The following HECW1 variants were observed in gnomAD, a reference collection of about 807,000 sequenced individuals.
The protein encoded by HECW1 is HECT, C2 and WW domain containing E3 ubiquitin protein ligase 1.
HECW1 carries 61 observed loss-of-function variants against 182.3 expected under a neutral mutation model. The ratio of observed to expected loss-of-function variants is 0.33; its 90% CI spans 0.27 to 0.41. HECW1 has a LOEUF of 0.41. Ranked by LOEUF, HECW1 falls within the 10% of genes least tolerant of loss-of-function variation. The probability of loss-of-function intolerance (pLI) is 1.00; values close to 1 mark genes in which losing one functional copy is unlikely to be tolerated. For missense variants in HECW1, 1,739 were observed against 2,108.9 expected, an observed-to-expected ratio of 0.82 and a Z score of 3.44; for synonymous variants, 859 against 832.6, an observed-to-expected ratio of 1.03 and a Z score of -0.55.
chr7:43,479,525 C>A, intron 16 of HECW1, 85 bp from the exon 17 acceptor site: 2 of 1,498,064 alleles, frequency 1.3e-6, no homozygotes, highest in South Asian at 1.2e-5. Flanking sequence ...GAGGCCTGGG[C>A]CCTGTAGCAC....
At chr7:43,392,186 A>G (rs1387508948) in intron 6 of HECW1, among the ~76,000 whole-genome samples, 1 of 152,236 alleles carries the variant, frequency 6.6e-6, no homozygotes, top group Non-Finnish European at 1.5e-5. Flanking sequence ...GACATAATGA[A>G]TTTTAATCTC....
chr7:43,337,798 A>G (rs1812491899), intron 5 of HECW1, among the ~76,000 whole-genome samples: 1 of 152,178 alleles, frequency 6.6e-6, no homozygotes, highest in Non-Finnish European at 1.5e-5. Flanking sequence ...ATCCCACACC[A>G]ATGGAGCACA....
Position 43,546,276 on chromosome 7 carries a change from A to G in HECW1, c.4249-4169A>G, listed in dbSNP as rs1201698626. On this transcript the variant is annotated intron_variant, in intron 26 of 29. Transcript: ENST00000395891. Reference sequence around the variant, plus strand: ...CACAGTCTCTTTCATGATTTCCTTGATTGGCTCTGTCATAAATCCTGGGAG... The same window carrying G: ...CACAGTCTCTTTCATGATTTCCTTGGTTGGCTCTGTCATAAATCCTGGGAG... Among the ~76,000 whole-genome samples the G allele has an allele frequency of 4.1e-5, 4 of 98,340 alleles. No homozygotes were observed. The East Asian group carries it at 1.3e-3, about 33-fold the overall frequency. The allele number at this position is 98,340 out of a possible 152,430, so 64.5% of individuals were successfully genotyped here.
At chr7:43,389,808 A>AT (rs2074950216) in intron 6 of HECW1, among the ~76,000 whole-genome samples, 1 of 151,796 alleles carries the variant, frequency 6.6e-6, no homozygotes, top group Non-Finnish European at 1.5e-5. Context: ...GCCTGACTAA[A>AT]TTTTTGTAGA....
intron 3 of HECW1, among the ~76,000 whole-genome samples, chr7:43,305,154 C>A (rs982288555): frequency 1.3e-5 from 2 of 152,164 alleles, no homozygotes; most frequent in Non-Finnish European, 2.9e-5. Context: ...TCTCTTCCTG[C>A]GATGACCTTG....
chr7:43,523,079 C>T (rs1469515694), intron 24 of HECW1: 1 of 430,550 alleles, frequency 2.3e-6, no homozygotes. Context: ...TCTTGGCTCA[C>T]TGCAACCTCC....
At position 43,308,354 on chromosome 7, in the gene HECW1, A is replaced by C. The variant is rs551155810; in HGVS notation, c.28-3409A>C. Among the ~76,000 whole-genome samples the C allele has an allele frequency of 3.3e-4, 45 of 136,644 alleles. 1 individual carries two copies. In the South Asian group the frequency reaches 9.0e-3, roughly 27 times the overall value. The allele number at this position is 136,644 out of a possible 152,430, so 89.6% of individuals were successfully genotyped here. On this transcript the variant is annotated intron_variant, in intron 3 of 29. Transcript: ENST00000395891. ...TTTATATATATTATATGATATATTT[A>C]TATATAATATAACATATAATATATT... is the stretch of plus-strand genomic sequence containing the variant.
chr7:43,444,407 T>C lies in HECW1; in HGVS notation c.1235T>C (p.Leu412Pro). ...GGTCCAGGGAACCAAAGCATAGAGC[T>C]TTCCAGACCAGCTGAGGAAGCAGCA... ...PDGPGNQSIE[L>P]SRPAEEAAVI... is the part of the protein sequence containing the mutation. The change falls in exon 11 of 30, where the codon CTT (leucine) becomes CCT (proline). Residue 412 changes from leucine (L) to proline (P), a missense_variant. By Grantham distance (98) the Leu-to-Pro change is moderately conservative. Around this residue, in one of 5 missense-constraint regions of HECW1, gnomAD observed 971 missense variants for 1,029.1 expected, o/e 0.94. Transcript: ENST00000395891. This position sits in a 1 kb window ranked among gnomAD's most constrained non-coding sequence, Gnocchi z 4.3. The C allele has an allele frequency of 5.6e-6, 9 of 1,613,952 alleles. No homozygotes were observed. The highest frequency in any genetic ancestry group is 7.6e-6 in the Non-Finnish European group (9 of 1,179,962).
intron 2 of HECW1, among the ~76,000 whole-genome samples, chr7:43,135,266 A>T (rs1254701942): frequency 6.6e-6 from 1 of 152,178 alleles, no homozygotes; most frequent in Non-Finnish European, 1.5e-5. Context: ...GGAAGCTGCC[A>T]GGTGGAGCTC....
At chr7:43,370,917 T>A (rs1174046940) in intron 6 of HECW1, among the ~76,000 whole-genome samples, 2 of 151,304 alleles carry the variant, frequency 1.3e-5, no homozygotes, top group African/African-American at 4.9e-5. Context: ...AAATGGAGTC[T>A]TGCTCTGTCA....
intron 3 of HECW1, among the ~76,000 whole-genome samples, chr7:43,304,703 A>C (rs886748403): frequency 6.6e-6 from 1 of 152,172 alleles, no homozygotes; most frequent in Admixed American, 6.5e-5. Context: ...CATGTTAGCC[A>C]GGCTGGTCTC....
Position 43,114,316 on chromosome 7 carries a change from G to A in HECW1, c.-107G>A, listed in dbSNP as rs1397786362. The A allele has an allele frequency of 7.3e-7, 1 of 1,362,090 alleles. No individual in the cohort carries two copies. The highest frequency in any genetic ancestry group is 2.2e-5 in the Admixed American group (1 of 45,732). 84.4% of individuals were successfully genotyped at this position (1,362,090 alleles called of 1,614,324 possible). A position where few individuals can be genotyped will look rare whatever the true frequency, so the allele number is the denominator to read the frequency against. On this transcript the variant is annotated 5_prime_UTR_variant, in exon 2 of 30. Transcript: ENST00000395891. ...CCGTTAAAGACCCCGGCAGTGTTGT[G>A]GTCCAAGGCGTCTCAAAGCAGGTGG...
chr7:43,312,340 T>C (rs1365992079), intron 4 of HECW1, among the ~76,000 whole-genome samples: 1 of 152,218 alleles, frequency 6.6e-6, no homozygotes, highest in Non-Finnish European at 1.5e-5. Flanking sequence ...ACAAATGTCA[T>C]TATCATTTGC....
At chr7:43,223,479 C>T (rs573451366) in intron 2 of HECW1, among the ~76,000 whole-genome samples, 1 of 152,172 alleles carries the variant, frequency 6.6e-6, no homozygotes, top group East Asian at 1.9e-4. Flanking sequence ...ATTAGCCAGG[C>T]GTGGTGATGC....
At chr7:43,531,358 T>G (rs998456578) in intron 24 of HECW1, among the ~76,000 whole-genome samples, 1 of 152,206 alleles carries the variant, frequency 6.6e-6, no homozygotes, top group Non-Finnish European at 1.5e-5. Flanking sequence ...GATGAGATAC[T>G]GCATTGCTGT....
intron 22 of HECW1, 95 bp from the exon 23 acceptor site, chr7:43,507,923 G>A: frequency 1.3e-6 from 1 of 766,408 alleles, no homozygotes; most frequent in East Asian, 2.5e-5. Context: ...AGAGGCTGGG[G>A]AGTGAGAACC....
Position 43,160,866 on chromosome 7 carries a change from C to T in HECW1, c.-32+46475C>T, listed in dbSNP as rs548407999. Among the ~76,000 whole-genome samples, 313 of 152,244 alleles carry T rather than the reference C, an allele frequency of 2.1e-3. 1 individual carries two copies. Among genetic ancestry groups the T allele is most frequent in the African/African-American group, 7.1e-3 (295 of 41,548 alleles). ...TTTCAGCACTTCTACTGTTCCCGCC[C>T]GCTGTGCTGTGCCTTTTACAGTTGT... On this transcript the variant is annotated intron_variant, in intron 2 of 29. Transcript: ENST00000395891.
chr7:43,407,486 GA>G, intron 7 of HECW1, 75 bp from the exon 8 acceptor site: 1 of 1,082,656 alleles, frequency 9.2e-7, no homozygotes, highest in Non-Finnish European at 1.3e-6. Context: ...GTCCTCTCAT[GA>G]AAGGTGTGGT....
In HECW1 at chr7:43,351,507, T is replaced by G. The variant is rs145459785; in HGVS notation, c.461-9379T>G. ...AGGTGGGGGCAGGGCTAGACGTGTC[T>G]GAGCTCAGACTTTTAGGGCAGGTCT... On this transcript the variant is annotated intron_variant, in intron 5 of 29. Transcript: ENST00000395891. Among the ~76,000 whole-genome samples, 745 of 152,190 alleles carry G rather than the reference T, an allele frequency of 4.9e-3. 5 individuals are homozygous for G. The highest frequency in any genetic ancestry group is 7.1e-3 in the Non-Finnish European group (483 of 68,004).
Sources: allele counts gnomAD v4.1 joint callset (sites outside exome capture counted in the v4.1 genomes callset), GRCh38; gene constraint gnomAD v4.1.1; regional missense constraint gnomAD v4.1.1; non-coding constraint Gnocchi (gnomAD v3.1); transcripts MANE v1.5; gene names NCBI Gene and HGNC (gene_info 2026-07-23, HGNC 2026-07-21).